CEPT1: variants seen among roughly 807,000 people sequenced by gnomAD.
CEPT1 encodes the protein choline/ethanolamine phosphotransferase 1.
In CEPT1, 7 loss-of-function variants were observed where a neutral mutation model predicts 42.6. That is an observed-to-expected ratio of 0.16 (90% CI 0.09 to 0.31). The LOEUF is 0.31. Ranked by LOEUF, CEPT1 falls within the 10% of genes least tolerant of loss-of-function variation. The pLI, the probability that CEPT1 is intolerant of heterozygous loss-of-function variation, is 1.00. For synonymous variants in CEPT1, 171 were observed against 171.9 expected (o/e 0.99, Z 0.04); for missense variants, 306 against 502.1 (o/e 0.61, Z 3.73).
intron 6 of CEPT1, 142 bp downstream of exon 6, chr1:111,182,460 T>C (rs2101411345): frequency 1.1e-6 from 1 of 882,858 alleles, no homozygotes; most frequent in South Asian, 1.7e-5. Context: ...TGTTCAAAAC[T>C]TCAATTTTAT....
Position 111,161,279 on chromosome 1 carries a change from A to C in CEPT1, c.612A>C (p.Gly204=), listed in dbSNP as rs776059319. ...YCAHWQTYVS[G]TLRFGIIDVT... is the part of the protein sequence containing the mutation. ...CGCACTGGCAAACGTATGTTTCTGG[A>C]ACATTGCGATTTGGAATGTAAGTAA... Residue 204 remains glycine, a synonymous_variant, in exon 4 of 9, where the codon GGA becomes GGC. Transcript: ENST00000357172. 4.3e-5 allele frequency: 70 copies of C among 1,609,408 alleles called. No homozygotes were observed. The Middle Eastern group carries it at 4.9e-4, about 11-fold the overall frequency.
At chr1:111,148,169 A>G in intron 2 of CEPT1, 116 bp downstream of exon 2, 1 of 755,398 alleles carries the variant, frequency 1.3e-6, no homozygotes, top group Non-Finnish European at 2.2e-6. Flanking sequence ...ACTATTTTAA[A>G]ATATCACACA....
At chr1:111,164,864 C>A (rs533384779) in intron 4 of CEPT1, among the ~76,000 whole-genome samples, 2 of 151,748 alleles carry the variant, frequency 1.3e-5, no homozygotes, top group African/African-American at 4.8e-5. Flanking sequence ...ACCTCGTGAT[C>A]TGCCCACCTT....
intron 4 of CEPT1, among the ~76,000 whole-genome samples, chr1:111,173,465 T>C (rs900292320): frequency 6.6e-6 from 1 of 152,342 alleles, no homozygotes. Flanking sequence ...TTATGTATCT[T>C]AAACTCACAT....
intron 2 of CEPT1, among the ~76,000 whole-genome samples, chr1:111,149,266 C>CTTTTTTTTTTTTTTTTTTTTTTTT (rs775722606): frequency 7.8e-5 from 10 of 127,948 alleles, no homozygotes; most frequent in South Asian, 2.7e-4. Context: ...GGTTTCTCCT[C>CTTTTTTTTTTTTTTTTTTTTTTTT]TTTTTTTTTT....
chr1:111,176,261 A>G (rs1656671196), intron 5 of CEPT1, among the ~76,000 whole-genome samples: 1 of 152,164 alleles, frequency 6.6e-6, no homozygotes, highest in Non-Finnish European at 1.5e-5. Context: ...ATGTGTAGGA[A>G]ATACGAATTT....
chr1:111,164,742 T>C (rs944970652), intron 4 of CEPT1, among the ~76,000 whole-genome samples: 1 of 151,788 alleles, frequency 6.6e-6, no homozygotes, highest in African/African-American at 2.4e-5. Flanking sequence ...TGCCTCAGCC[T>C]CCCGAGTAGC....
chr1:111,165,224 A>G (rs966168075), intron 4 of CEPT1, among the ~76,000 whole-genome samples: 2 of 150,770 alleles, frequency 1.3e-5, no homozygotes, highest in South Asian at 2.1e-4. Context: ...AATTTTTTGT[A>G]TTTTTAGTAG....
At chr1:111,143,352 C>A (rs1292056515) in intron 1 of CEPT1, 3 of 152,214 alleles carry the variant, frequency 2.0e-5, no homozygotes, top group Non-Finnish European at 2.9e-5. Flanking sequence ...GAAGACTTCA[C>A]CCTGTTTAAA....
At chr1:111,177,658 A>G (rs1656749938) in intron 5 of CEPT1, among the ~76,000 whole-genome samples, 1 of 152,240 alleles carries the variant, frequency 6.6e-6, no homozygotes, top group Non-Finnish European at 1.5e-5. Context: ...CATAGTAGAT[A>G]TAATTTTTTC....
At chr1:111,163,770 ATGG>A (rs35894764) in intron 4 of CEPT1, among the ~76,000 whole-genome samples, 7,764 of 152,302 alleles carry the variant, frequency 0.051, 235 homozygotes, top group East Asian at 0.15. Flanking sequence ...GTTTGTATGC[ATGG>A]AGGAGAAAGT....
At chr1:111,151,128 GT>G (rs34545608) in intron 2 of CEPT1, among the ~76,000 whole-genome samples, 88 of 135,082 alleles carry the variant, frequency 6.5e-4, no homozygotes, top group Middle Eastern at 3.8e-3. Context: ...TTTTTTGTTT[GT>G]TTTTTTTTTT....
intron 4 of CEPT1, among the ~76,000 whole-genome samples, chr1:111,165,039 T>C (rs186520611): frequency 6.9e-6 from 1 of 145,398 alleles, no homozygotes. Context: ...ACATAAAACA[T>C]CGGTCTTTTT....
At position 111,182,491 on chromosome 1, in the gene CEPT1, A is replaced by G. The variant is rs370698747; in HGVS notation, c.846+173A>G. 6 of 670,734 alleles carry G rather than the reference A, an allele frequency of 8.9e-6. No individual in the cohort carries two copies. The East Asian group carries it at 1.7e-4, about 19-fold the overall frequency. The allele number at this position is 670,734 out of a possible 1,614,324, so 41.5% of individuals were successfully genotyped here. A position where few individuals can be genotyped will look rare whatever the true frequency, so the allele number is the denominator to read the frequency against. ...TTTATATATACTTACCCACATTTAT[A>G]TGCTTTATATATTCATACTTTTATG... On this transcript the variant is annotated intron_variant, in intron 6 of 8. Coordinates refer to ENST00000357172, the MANE Select transcript of CEPT1 (RefSeq NM_006090.5).
intron 1 of CEPT1, among the ~76,000 whole-genome samples, chr1:111,146,879 G>A (rs900484289): frequency 6.8e-6 from 1 of 146,068 alleles, no homozygotes; most frequent in African/African-American, 2.5e-5. Flanking sequence ...TTTCATTGTT[G>A]TATATCTCCA....
intron 1 of CEPT1, 107 bp downstream of exon 1, chr1:111,140,414 G>A (rs918875816): frequency 6.6e-6 from 1 of 152,394 alleles, no homozygotes; most frequent in Non-Finnish European, 1.5e-5. Context: ...GGATATAGCT[G>A]TGTATGGACT....
chr1:111,173,837 A>G (rs1329519286), intron 4 of CEPT1, among the ~76,000 whole-genome samples: 2 of 152,156 alleles, frequency 1.3e-5, no homozygotes, highest in African/African-American at 4.8e-5. Context: ...TTCACTTACT[A>G]TATCTTTGCT....
intron 2 of CEPT1, among the ~76,000 whole-genome samples, chr1:111,151,401 C>T (rs574220888): frequency 3.1e-4 from 47 of 152,312 alleles, no homozygotes; most frequent in Non-Finnish European, 4.6e-4. Context: ...GGATTACAGG[C>T]GTGTGCCACC....
At chr1:111,161,011 TATATCCTACTTTTCTGTTACAATAGATA>T in intron 3 of CEPT1, 116 bp from the exon 4 acceptor site, 1 of 823,616 alleles carries the variant, frequency 1.2e-6, no homozygotes, top group Non-Finnish European at 2.0e-6. Flanking sequence ...TGTAACAGAT[TATATCCTACTTTTCTGTTACAATAGATA>T]ACTGAGAGAA....
Sources: gnomAD v4.1 joint callset for allele counts (sites outside exome capture counted in the v4.1 genomes callset) on GRCh38, gnomAD v4.1.1 for gene constraint, MANE v1.5 for transcripts, NCBI Gene and HGNC (gene_info 2026-07-23, HGNC 2026-07-21) for gene names.